Variants in DIS3L2 observed in about 807,000 individuals in gnomAD.
The protein encoded by DIS3L2 is DIS3-like exonuclease 2.
In DIS3L2, 34 loss-of-function variants were observed where a neutral mutation model predicts 97.5. The observed-to-expected ratio is 0.35, with a 90% CI of 0.27 to 0.46. The LOEUF (loss-of-function observed/expected upper bound fraction) is 0.46, where lower values mean the gene tolerates loss of function less well. DIS3L2 is among the 20% of genes least tolerant of loss of function. The pLI is 1.00. For missense variants in DIS3L2, 1,038 were observed against 1,146.0 expected (o/e 0.91, Z 1.36); for synonymous variants, 435 against 445.2 (o/e 0.98, Z 0.29).
intron 9 of DIS3L2, 103 bp from the exon 10 acceptor site, chr2:232,210,223 C>A: frequency 1.1e-6 from 1 of 871,896 alleles, no homozygotes; most frequent in Non-Finnish European, 1.9e-6. Context: ...CTTTCCCTAA[C>A]AGAGCACATA....
chr2:232,015,003 G>T, intron 2 of DIS3L2, 24 bp downstream of exon 2: 2 of 1,613,244 alleles, frequency 1.2e-6, no homozygotes, highest in Non-Finnish European at 1.7e-6. Flanking sequence ...AATGGAGTCT[G>T]CCTGAATAAC....
chr2:232,086,654 T>G (rs1696650102), intron 5 of DIS3L2, among the ~76,000 whole-genome samples: 1 of 51,422 alleles, frequency 1.9e-5, no homozygotes, highest in Non-Finnish European at 3.6e-5. Context: ...TGTATATATA[T>G]ATATATGTGT....
chr2:231,972,828 A>G (rs1440906305), intron 1 of DIS3L2, among the ~76,000 whole-genome samples: 7 of 152,156 alleles, frequency 4.6e-5, no homozygotes, highest in African/African-American at 1.7e-4. Context: ...ACAGGTGTGC[A>G]CCACCATGCC....
chr2:232,196,519 G>A (rs1691761987), intron 9 of DIS3L2, among the ~76,000 whole-genome samples: 1 of 152,010 alleles, frequency 6.6e-6, no homozygotes, highest in Non-Finnish European at 1.5e-5. Flanking sequence ...CATTTTCCAG[G>A]CAGTTCCTTT....
At chr2:232,218,472 G>A (rs533808329) in intron 10 of DIS3L2, among the ~76,000 whole-genome samples, 1 of 151,748 alleles carries the variant, frequency 6.6e-6, no homozygotes, top group African/African-American at 2.4e-5. Context: ...TTCAGGCCGG[G>A]TGTGGTGGCT....
chr2:232,254,730 A>G (rs949973365), intron 12 of DIS3L2, among the ~76,000 whole-genome samples: 1 of 152,204 alleles, frequency 6.6e-6, no homozygotes, highest in Non-Finnish European at 1.5e-5. Flanking sequence ...TCTGTAACTC[A>G]GTTGGCCTCT....
chr2:232,118,639 C>G (rs984312751), intron 6 of DIS3L2, among the ~76,000 whole-genome samples: 7 of 152,184 alleles, frequency 4.6e-5, no homozygotes, highest in African/African-American at 1.7e-4. Flanking sequence ...GCCAGTTGCT[C>G]TCATGTTTAA....
intron 6 of DIS3L2, among the ~76,000 whole-genome samples, chr2:232,104,847 T>C (rs1194710632): frequency 1.3e-5 from 2 of 152,194 alleles, no homozygotes; most frequent in African/African-American, 4.8e-5. Flanking sequence ...TCAGAGGGTC[T>C]GGCTGTGTTC....
chr2:232,034,693 A>G lies in DIS3L2; in HGVS notation c.366+4613A>G, dbSNP rs377162221. 3.6e-4 allele frequency among the ~76,000 whole-genome samples: 55 copies of G among 152,316 alleles called. 2 individuals are homozygous for G. The East Asian group carries it at 0.011, about 29-fold the overall frequency. ...TCTTTGTTCTCATTGGTTTCAAAGA[A>G]CTTATTTATTTCTGCCTTAATTTCA... is the stretch of plus-strand genomic sequence containing the variant. On this transcript the variant is annotated intron_variant, in intron 5 of 20. Coordinates refer to ENST00000325385, the MANE Select transcript of DIS3L2 (RefSeq NM_152383.5).
intron 8 of DIS3L2, among the ~76,000 whole-genome samples, chr2:232,155,988 TA>T (rs58242528): frequency 6.8e-3 from 936 of 136,828 alleles, no homozygotes; most frequent in Middle Eastern, 0.029. Flanking sequence ...AGACTCCATC[TA>T]AAAAAAAAAA....
At chr2:232,316,357 C>T (rs1695275972) in intron 14 of DIS3L2, among the ~76,000 whole-genome samples, 1 of 152,110 alleles carries the variant, frequency 6.6e-6, no homozygotes, top group South Asian at 2.1e-4. Context: ...GTGTCATTCG[C>T]CTCCACACTA....
intron 12 of DIS3L2, among the ~76,000 whole-genome samples, chr2:232,249,725 A>G (rs999303307): frequency 6.6e-6 from 1 of 152,232 alleles, no homozygotes; most frequent in Non-Finnish European, 1.5e-5. Context: ...AGAGGAGGAC[A>G]TTAGGTAAAG....
At chr2:232,244,948 A>G (rs1693209230) in intron 11 of DIS3L2, among the ~76,000 whole-genome samples, 1 of 152,228 alleles carries the variant, frequency 6.6e-6, no homozygotes, top group Non-Finnish European at 1.5e-5. Context: ...GACTTGCAGA[A>G]GTAGGAAAGG....
intron 5 of DIS3L2, among the ~76,000 whole-genome samples, chr2:232,044,063 A>G (rs1382930268): frequency 1.3e-5 from 2 of 152,186 alleles, no homozygotes; most frequent in Admixed American, 6.5e-5. Flanking sequence ...AATGCAAGCT[A>G]GGGATATAAA....
intron 11 of DIS3L2, among the ~76,000 whole-genome samples, chr2:232,244,874 C>G (rs1242609575): frequency 4.6e-5 from 7 of 152,132 alleles, no homozygotes; most frequent in Non-Finnish European, 8.8e-5. Flanking sequence ...GAGGTAAGAA[C>G]TAAGACAGCT....
chr2:231,988,204 G>A (rs1039415041), intron 1 of DIS3L2, among the ~76,000 whole-genome samples: 1 of 152,220 alleles, frequency 6.6e-6, no homozygotes, highest in African/African-American at 2.4e-5. Flanking sequence ...TAAGTTCATG[G>A]TGATGGTCCT....
In DIS3L2 at chr2:232,268,317, A is replaced by G. The variant is rs1464627978; in HGVS notation, c.1659+4877A>G. 6.6e-6 allele frequency among the ~76,000 whole-genome samples: 1 copy of G among 152,184 alleles called. No homozygotes were observed. Among genetic ancestry groups the G allele is most frequent in the African/African-American group, 2.4e-5 (1 of 41,426 alleles). On this transcript the variant is annotated intron_variant, in intron 13 of 20. Coordinates refer to ENST00000325385, the MANE Select transcript of DIS3L2 (RefSeq NM_152383.5). This position sits in a 1 kb window ranked among gnomAD's most constrained non-coding sequence, Gnocchi z 4.1. ...AACTGCAGGCAGTTTCTTTGAGTGG[A>G]CTTGATTGTAAAGATAGCCTTGTTA... is the stretch of plus-strand genomic sequence containing the variant.
At chr2:232,319,988 G>A (rs1191517763) in intron 14 of DIS3L2, among the ~76,000 whole-genome samples, 1 of 152,216 alleles carries the variant, frequency 6.6e-6, no homozygotes, top group African/African-American at 2.4e-5. Context: ...CACACAGGCT[G>A]TGCGAGAGCA....
chr2:232,334,563 C>T, intron 18 of DIS3L2, 64 bp downstream of exon 18: 2 of 1,605,240 alleles, frequency 1.2e-6, no homozygotes, highest in Non-Finnish European at 1.7e-6. Flanking sequence ...GGCACCTGCT[C>T]ACCAGGAGGC....
Sources: allele counts gnomAD v4.1 joint callset (sites outside exome capture counted in the v4.1 genomes callset), GRCh38; gene constraint gnomAD v4.1.1; non-coding constraint Gnocchi (gnomAD v3.1); transcripts MANE v1.5; gene names NCBI Gene and HGNC (gene_info 2026-07-23, HGNC 2026-07-21).